FOXP2: variants seen among roughly 807,000 people sequenced by gnomAD.
The protein encoded by FOXP2 is forkhead box P2, also known as forkhead box protein P2.
FOXP2 carries 12 observed loss-of-function variants against 115.8 expected under a neutral mutation model. That is an observed-to-expected ratio of 0.10 (90% confidence interval 0.07 to 0.17). The LOEUF (loss-of-function observed/expected upper bound fraction) is 0.17, where lower values mean the gene tolerates loss of function less well. Ranked by LOEUF, FOXP2 falls within the 10% of genes least tolerant of loss-of-function variation. The pLI is 1.00. For missense variants in FOXP2, 629 were observed against 843.5 expected, an observed-to-expected ratio of 0.75 and a Z score of 3.15; for synonymous variants, 328 against 297.7, an observed-to-expected ratio of 1.10 and a Z score of -1.05.
intron 2 of FOXP2, among the ~76,000 whole-genome samples, chr7:114,492,035 T>C (rs1338235163): frequency 6.6e-5 from 10 of 152,230 alleles, no homozygotes; most frequent in Middle Eastern, 3.2e-3. Context: ...TGAATCCATC[T>C]GGTCCTGGAC....
chr7:114,515,594 G>A (rs1331591652), intron 2 of FOXP2, among the ~76,000 whole-genome samples: 1 of 151,902 alleles, frequency 6.6e-6, no homozygotes, highest in Non-Finnish European at 1.5e-5. Context: ...ATTTGTTTGA[G>A]TTCATTGTAG....
chr7:114,474,959 G>A (rs545123312), intron 2 of FOXP2, among the ~76,000 whole-genome samples: 1 of 151,996 alleles, frequency 6.6e-6, no homozygotes, highest in Non-Finnish European at 1.5e-5. Context: ...TTATTCAAGA[G>A]AATGATGACA....
chr7:114,332,634 T>A lies in FOXP2; in HGVS notation c.-11+44525T>A, dbSNP rs114581696. Among the ~76,000 whole-genome samples, 972 of 152,264 alleles carry A rather than the reference T, an allele frequency of 6.4e-3. 8 individuals are homozygous for A. The highest frequency in any genetic ancestry group is 0.023 in the African/African-American group (940 of 41,564). On this transcript the variant is annotated intron_variant, in intron 2 of 17. Transcript: ENST00000634411. ...TCTTTTTTATTTTCCCTCTCCTGAC[T>A]GCAAATACTGCTACTGTAGAAGAAG...
In FOXP2 at chr7:114,678,799, T is replaced by C. The variant is rs980364216; in HGVS notation, c.2004-10983T>C. Among the ~76,000 whole-genome samples, 6 of 152,218 alleles carry C rather than the reference T, an allele frequency of 3.9e-5. No homozygotes were observed. In the East Asian group the frequency reaches 9.6e-4, roughly 24 times the overall value. On this transcript the variant is annotated intron_variant, in intron 16 of 16. Transcript: ENST00000350908. ...GAATCTTTTCATCTTCACTTTCTAA[T>C]ATCCAAACTTTCTGAGATTTGCTTT... is the stretch of plus-strand genomic sequence containing the variant.
At chr7:114,351,118 C>A (rs1487655343) in intron 2 of FOXP2, among the ~76,000 whole-genome samples, 1 of 152,106 alleles carries the variant, frequency 6.6e-6, no homozygotes, top group Non-Finnish European at 1.5e-5. Flanking sequence ...TTTGTTGAAT[C>A]CATAAGTGCA....
intron 3 of FOXP2, among the ~76,000 whole-genome samples, chr7:114,540,295 A>T (rs1229373269): frequency 6.6e-6 from 1 of 152,044 alleles, no homozygotes; most frequent in African/African-American, 2.4e-5. Flanking sequence ...TATCTTCTCT[A>T]TTAAACTGTA....
chr7:114,241,762 A>G (rs1365825249), intron 1 of FOXP2, among the ~76,000 whole-genome samples: 2 of 150,826 alleles, frequency 1.3e-5, no homozygotes, highest in Admixed American at 6.6e-5. Context: ...TTTTTATTCT[A>G]TCGGTAATGG....
intron 2 of FOXP2, among the ~76,000 whole-genome samples, chr7:114,460,862 G>A (rs570951619): frequency 6.6e-6 from 1 of 152,188 alleles, no homozygotes; most frequent in Non-Finnish European, 1.5e-5. Context: ...AAAGTGGAGG[G>A]AGGTTGAAAG....
At chr7:114,496,462 T>G (rs1213836226) in intron 2 of FOXP2, among the ~76,000 whole-genome samples, 1 of 152,158 alleles carries the variant, frequency 6.6e-6, no homozygotes, top group Admixed American at 6.5e-5. Flanking sequence ...ATATGTTCAT[T>G]GAGTACTCTG....
chr7:114,404,130 A>C (rs1394830589), intron 2 of FOXP2, among the ~76,000 whole-genome samples: 2 of 152,082 alleles, frequency 1.3e-5, no homozygotes, highest in Non-Finnish European at 2.9e-5. Flanking sequence ...AATTGGGATG[A>C]GTGGGTTGGG....
At chr7:114,444,404 C>G (rs988149843) in intron 2 of FOXP2, among the ~76,000 whole-genome samples, 3 of 152,152 alleles carry the variant, frequency 2.0e-5, no homozygotes, top group Non-Finnish European at 4.4e-5. Flanking sequence ...GAAATCACCA[C>G]AAGTGATTTC....
At chr7:114,311,918 G>A (rs1023412264) in intron 2 of FOXP2, among the ~76,000 whole-genome samples, 4 of 152,096 alleles carry the variant, frequency 2.6e-5, no homozygotes, top group Non-Finnish European at 4.4e-5. Flanking sequence ...ACATGCTGCT[G>A]TATTTCACAT....
intron 1 of FOXP2, among the ~76,000 whole-genome samples, chr7:114,102,696 CCACACACACA>C (rs10624558): frequency 2.6e-3 from 358 of 136,466 alleles, no homozygotes; most frequent in African/African-American, 9.1e-3. Flanking sequence ...ACACCACACA[CCACACACACA>C]CACACACACA....
chr7:114,448,379 C>G (rs1484552099), intron 2 of FOXP2, among the ~76,000 whole-genome samples: 1 of 151,972 alleles, frequency 6.6e-6, no homozygotes, highest in Non-Finnish European at 1.5e-5. Flanking sequence ...GAGTTATAAG[C>G]TTTAGTTTAT....
chr7:114,248,612 T>A (rs1795352057), intron 1 of FOXP2, among the ~76,000 whole-genome samples: 1 of 152,208 alleles, frequency 6.6e-6, no homozygotes, highest in Non-Finnish European at 1.5e-5. Context: ...TTCATAACAA[T>A]ATAAGACTGA....
chr7:114,268,678 T>C (rs994982001), intron 1 of FOXP2, among the ~76,000 whole-genome samples: 8 of 150,346 alleles, frequency 5.3e-5, no homozygotes, highest in African/African-American at 1.7e-4. Context: ...ACTCTGACGA[T>C]TGGTGAAGTC....
At chr7:114,569,173 C>T (rs1801169284) in intron 3 of FOXP2, among the ~76,000 whole-genome samples, 1 of 151,776 alleles carries the variant, frequency 6.6e-6, no homozygotes, top group Non-Finnish European at 1.5e-5. Context: ...TTTAAGGATG[C>T]TTATGACCTT....
At chr7:114,506,437 C>CG (rs1797822078) in intron 2 of FOXP2, among the ~76,000 whole-genome samples, 1 of 151,442 alleles carries the variant, frequency 6.6e-6, no homozygotes, top group Admixed American at 6.6e-5. Context: ...TTCATGGAAA[C>CG]TAAGACAGAA....
intron 1 of FOXP2, among the ~76,000 whole-genome samples, chr7:114,122,399 CTT>C (rs563384583): frequency 1.5e-5 from 2 of 133,466 alleles, no homozygotes; most frequent in Admixed American, 7.5e-5. Flanking sequence ...TCCCTGTTTT[CTT>C]TTTTTTTTTT....
Sources: gnomAD v4.1 joint callset for allele counts (sites outside exome capture counted in the v4.1 genomes callset) on GRCh38, gnomAD v4.1.1 for gene constraint, MANE v1.5 for transcripts, NCBI Gene and HGNC (gene_info 2026-07-23, HGNC 2026-07-21) for gene names.